SLC13A4: variants seen among roughly 807,000 people sequenced by gnomAD.
SLC13A4 encodes solute carrier family 13 member 4.
In SLC13A4, 28 loss-of-function variants were observed where a neutral mutation model predicts 72.7. The observed-to-expected ratio is 0.39, with a 90% CI of 0.29 to 0.53. The LOEUF (loss-of-function observed/expected upper bound fraction) is 0.53. SLC13A4 is among the 20% of genes least tolerant of loss of function. The pLI, the probability that SLC13A4 is intolerant of heterozygous loss-of-function variation, is 0.78. For missense variants in SLC13A4, 653 were observed against 788.0 expected, an observed-to-expected ratio of 0.83 and a Z score of 2.05; for synonymous variants, 312 against 325.5, an observed-to-expected ratio of 0.96 and a Z score of 0.45.
Position 135,708,209 on chromosome 7 carries a change from C to T in SLC13A4, c.270G>A (p.Val90=), listed in dbSNP as rs1429458534. 1 of 1,614,232 alleles carries T rather than the reference C, an allele frequency of 6.2e-7. No homozygotes were observed. The change falls in exon 3 of 16, where the codon GTG becomes GTA. Residue 90 remains valine, a synonymous_variant. Coordinates refer to ENST00000682651, the MANE Select transcript of SLC13A4 (RefSeq NM_001318192.2). The part of the protein sequence containing the change: ...EYFKNTTLLL[V]GVICVAAAVE... ...CGGCAGCCGCCACGCAGATGACCCC[C>T]ACCAGCAGCAGCGTGGTGTTCTTGA... is the stretch of plus-strand genomic sequence containing the variant.
Position 135,711,963 on chromosome 7 carries a change from A to ATTT in SLC13A4, c.229-3716_229-3714dup, listed in dbSNP as rs529940903. 1.7e-3 allele frequency among the ~76,000 whole-genome samples: 80 copies of ATTT among 46,902 alleles called. 12 individuals carry two copies. The highest frequency in any genetic ancestry group is 2.4e-3 in the Admixed American group (7 of 2,978). The allele number at this position is 46,902 out of a possible 152,430, so 30.8% of individuals were successfully genotyped here. ...CACTACACCTGGCTAATGTTTTTGGATTTTTTTTTTTTTTTTTTTTTTTTT... is the reference window on the plus strand; with the variant it reads ...CACTACACCTGGCTAATGTTTTTGGATTTTTTTTTTTTTTTTTTTTTTTTTTTT... On this transcript the variant is annotated intron_variant, in intron 2 of 15. Transcript: ENST00000682651.
chr7:135,681,487 G>A lies in SLC13A4; in HGVS notation c.*76C>T, dbSNP rs1293093346. The A allele has an allele frequency of 6.5e-7, 1 of 1,549,772 alleles. No homozygotes were observed. Among genetic ancestry groups the A allele is most frequent in the Non-Finnish European group, 8.8e-7 (1 of 1,141,568 alleles). On this transcript the variant is annotated 3_prime_UTR_variant, in exon 16 of 16. Transcript: ENST00000682651. The stretch of plus-strand genomic sequence containing the variant: ...GTTGTGTGCTCCTGGTGGTCCTAGT[G>A]GTTTTCTTTGCCTGTGGTCCAGATA...
At chr7:135,701,169 G>A (rs1286828793) in intron 7 of SLC13A4, among the ~76,000 whole-genome samples, 6 of 152,182 alleles carry the variant, frequency 3.9e-5, no homozygotes, top group Non-Finnish European at 7.3e-5. Flanking sequence ...AATAAATGGT[G>A]GCAGTTATTT....
In SLC13A4 at chr7:135,718,087, A is replaced by ACG. The variant is rs1321726815; in HGVS notation, c.228+3306_228+3307dup. ...CCAATTCCTACACACACACACACAC[A>ACG]CGCGCGCGCGCGCACGCGTGCGCGC... is the stretch of plus-strand genomic sequence containing the variant. On this transcript the variant is annotated intron_variant, in intron 2 of 15. Coordinates refer to ENST00000682651, the MANE Select transcript of SLC13A4 (RefSeq NM_001318192.2). Among the ~76,000 whole-genome samples the ACG allele has an allele frequency of 6.4e-4, 53 of 83,410 alleles. No homozygotes were observed. In the East Asian group the frequency reaches 0.013, roughly 21 times the overall value. 54.7% of individuals were successfully genotyped at this position (83,410 alleles called of 152,430 possible).
At chr7:135,712,834 T>A (rs922479596) in intron 2 of SLC13A4, among the ~76,000 whole-genome samples, 1 of 152,164 alleles carries the variant, frequency 6.6e-6, no homozygotes, top group Non-Finnish European at 1.5e-5. Context: ...CGAGGATGAT[T>A]GTTATTGTTT....
Position 135,728,005 on chromosome 7 carries a change from T to A in SLC13A4, c.-509A>T, listed in dbSNP as rs185923517. 6.6e-6 allele frequency: 1 copy of A among 152,624 alleles called. No individual in the cohort carries two copies. The highest frequency in any genetic ancestry group is 1.9e-4 in the East Asian group (1 of 5,182). 9.5% of individuals were successfully genotyped at this position (152,624 alleles called of 1,614,324 possible). On this transcript the variant is annotated 5_prime_UTR_variant, in exon 1 of 16. Coordinates refer to ENST00000682651, the MANE Select transcript of SLC13A4 (RefSeq NM_001318192.2). ...TTCATCTCCCACCTGGGCTCGCTGTTGGTAAGACTCTAGTAGCCCCTTTCC... is the reference window on the plus strand; with the variant it reads ...TTCATCTCCCACCTGGGCTCGCTGTAGGTAAGACTCTAGTAGCCCCTTTCC...
intron 13 of SLC13A4, among the ~76,000 whole-genome samples, chr7:135,687,329 C>T (rs1325375298): frequency 7.2e-5 from 11 of 152,218 alleles, no homozygotes; most frequent in Admixed American, 7.2e-4. Context: ...GAAGGTGAGA[C>T]ATTTATGATT....
intron 6 of SLC13A4, 85 bp from the exon 7 acceptor site, chr7:135,701,845 G>T (rs116420822): frequency 7.8e-7 from 1 of 1,283,708 alleles, no homozygotes; most frequent in Admixed American, 1.9e-5. Context: ...TCATCCCAGG[G>T]CCACCCCATG....
intron 2 of SLC13A4, among the ~76,000 whole-genome samples, chr7:135,711,226 C>G (rs1796293711): frequency 6.6e-6 from 1 of 152,116 alleles, no homozygotes; most frequent in Admixed American, 6.5e-5. Flanking sequence ...TTCCACCAGC[C>G]CCATGACACA....
intron 3 of SLC13A4, among the ~76,000 whole-genome samples, chr7:135,706,641 C>T (rs139600887): frequency 0.012 from 1,864 of 152,314 alleles, 19 homozygotes; most frequent in Non-Finnish European, 0.019. Context: ...TGGAGCTTGG[C>T]GGTGATGTGT....
At chr7:135,698,292 C>T (rs1440776634) in intron 8 of SLC13A4, among the ~76,000 whole-genome samples, 5 of 149,054 alleles carry the variant, frequency 3.4e-5, no homozygotes, top group African/African-American at 1.2e-4. Context: ...CTTGGCCTCC[C>T]AGAGTGCTGG....
At chr7:135,719,928 G>T (rs571288605) in intron 2 of SLC13A4, among the ~76,000 whole-genome samples, 51 of 146,378 alleles carry the variant, frequency 3.5e-4, no homozygotes, top group Admixed American at 1.1e-3. Context: ...CGGGCCCAGG[G>T]GGAGAGAGAC....
Position 135,681,574 on chromosome 7 carries a change from C to T in SLC13A4, c.1873G>A (p.Asp625Asn). Reference sequence around the variant, plus strand: ...TTGTACACTTGGCGTTAGGCTTGATCAGTGATGTTGCTGACCCTCGCCCAT... The same window carrying T: ...TTGTACACTTGGCGTTAGGCTTGATTAGTGATGTTGCTGACCCTCGCCCAT... ...PAWARVSNIT[D>N]QA The change falls in exon 16 of 16, where the codon GAT becomes AAT. Residue 625 changes from aspartate (D) to asparagine (N), a missense_variant. Asp to Asn is a conservative substitution (Grantham distance 23). Coordinates refer to ENST00000682651, the MANE Select transcript of SLC13A4 (RefSeq NM_001318192.2). The T allele has an allele frequency of 1.2e-6, 2 of 1,613,650 alleles. No homozygotes were observed. The highest frequency in any genetic ancestry group is 1.7e-6 in the Non-Finnish European group (2 of 1,179,688).
At chr7:135,705,916 G>GAAGA in intron 4 of SLC13A4, 1 of 565,828 alleles carries the variant, frequency 1.8e-6, no homozygotes. Flanking sequence ...AAGGAGGAAG[G>GAAGA]AAGAGCCAGA....
intron 15 of SLC13A4, 34 bp downstream of exon 15, chr7:135,684,090 C>T (rs1161370198): frequency 1.3e-6 from 2 of 1,566,198 alleles, no homozygotes; most frequent in Non-Finnish European, 1.7e-6. Context: ...CTCATGGCAG[C>T]TGGGCCTGGC....
intron 2 of SLC13A4, among the ~76,000 whole-genome samples, chr7:135,720,096 A>G (rs1287725402): frequency 1.3e-5 from 2 of 152,162 alleles, no homozygotes; most frequent in East Asian, 3.8e-4. Flanking sequence ...AGGATTGCCT[A>G]ATTCTATTTT....
chr7:135,716,473 T>A (rs532085699), intron 2 of SLC13A4, among the ~76,000 whole-genome samples: 2 of 152,186 alleles, frequency 1.3e-5, no homozygotes, highest in African/African-American at 4.8e-5. Context: ...CCCTGCTAAT[T>A]TTTTATTCTA....
At chr7:135,687,734 A>G (rs1376923238) in intron 13 of SLC13A4, among the ~76,000 whole-genome samples, 3 of 151,472 alleles carry the variant, frequency 2.0e-5, no homozygotes, top group Admixed American at 6.6e-5. Context: ...AGTTAGTTGA[A>G]TGGAAATGGT....
chr7:135,724,539 G>GAGAA (rs1048419554), intron 1 of SLC13A4, among the ~76,000 whole-genome samples: 1 of 148,144 alleles, frequency 6.8e-6, no homozygotes, highest in Non-Finnish European at 1.5e-5. Flanking sequence ...AGGAGAGAGA[G>GAGAA]AGAAAGAAAG....
Sources: allele counts gnomAD v4.1 joint callset (sites outside exome capture counted in the v4.1 genomes callset), GRCh38; gene constraint gnomAD v4.1.1; transcripts MANE v1.5; gene names NCBI Gene and HGNC (gene_info 2026-07-23, HGNC 2026-07-21).